EPN1: variants seen among roughly 807,000 people sequenced by gnomAD.
EPN1 encodes the protein epsin 1.
Under a neutral mutation model 56.9 loss-of-function variants are expected in EPN1, and 25 were observed. That is an observed-to-expected ratio of 0.44 (90% CI 0.32 to 0.61). The LOEUF is 0.61. Ranked by LOEUF, EPN1 falls within the 20% of genes least tolerant of loss-of-function variation. EPN1 has a pLI of 0.05. For synonymous variants in EPN1, 411 were observed against 361.8 expected, an observed-to-expected ratio of 1.14 and a Z score of -1.54; for missense variants, 785 against 823.7, an observed-to-expected ratio of 0.95 and a Z score of 0.58.
chr19:55,685,281 C>T, intron 2 of EPN1, 115 bp from the exon 3 acceptor site: 3 of 1,342,066 alleles, frequency 2.2e-6, no homozygotes, highest in Non-Finnish European at 2.0e-6. Flanking sequence ...CCACTGGCGA[C>T]AGGTGGGTTG....
In EPN1 at chr19:55,694,308, C is replaced by A; in HGVS notation, c.1265-418C>A. 5.7e-6 allele frequency: 1 copy of A among 175,564 alleles called. No individual in the cohort carries two copies. Among genetic ancestry groups the A allele is most frequent in the Non-Finnish European group, 1.2e-5 (1 of 84,324 alleles). The allele number at this position is 175,564 out of a possible 1,614,324, so 10.9% of individuals were successfully genotyped here. A position where few individuals can be genotyped will look rare whatever the true frequency, so the allele number is the denominator to read the frequency against. ...GGCCCGGAACACGTGTCTGTGCTGT[C>A]TGTCCACTTGGAAGCTCCCTCTGGG... On this transcript the variant is annotated intron_variant, in intron 9 of 10. Transcript: ENST00000270460. The surrounding 1 kb of genome is among the most constrained non-coding windows in gnomAD (Gnocchi z 4.2).
chr19:55,691,873 C>T lies in EPN1; in HGVS notation c.882C>T (p.Asp294=). The T allele has an allele frequency of 6.2e-7, 1 of 1,602,990 alleles. No individual in the cohort carries two copies. Among genetic ancestry groups the T allele is most frequent in the South Asian group, 1.1e-5 (1 of 90,406 alleles). ...AAVPTAAPTS[D]PWGGPPVPPA... The stretch of plus-strand genomic sequence containing the variant: ...TCCCCACGGCTGCCCCCACCTCGGA[C>T]CCCTGGGGCGGCCCCCCTGTCCCTC... Residue 294 remains aspartate (D), a synonymous_variant, in exon 7 of 11, where the codon GAC becomes GAT. Transcript: ENST00000270460. This position sits in a 1 kb window ranked among gnomAD's most constrained non-coding sequence, Gnocchi z 5.6.
At position 55,703,924 on chromosome 19, in the gene EPN1, A is replaced by C. The variant is rs1987266975; in HGVS notation, c.*8568A>C. Reference sequence around the variant, plus strand: ...GGCGCCGGAGAGCGGACGGAGCCGCAGGCGGGGTTGTGGGAAGACGCTGGG... The same window carrying C: ...GGCGCCGGAGAGCGGACGGAGCCGCCGGCGGGGTTGTGGGAAGACGCTGGG... On this transcript the variant is annotated 3_prime_UTR_variant, in exon 11 of 11. Coordinates refer to ENST00000270460, the MANE Select transcript of EPN1 (RefSeq NM_001130072.2). The C allele has an allele frequency of 6.6e-6, 1 of 152,168 alleles. No individual in the cohort carries two copies. The highest frequency in any genetic ancestry group is 2.1e-4 in the South Asian group (1 of 4,834). 9.4% of individuals were successfully genotyped at this position (152,168 alleles called of 1,614,324 possible). A position where few individuals can be genotyped will look rare whatever the true frequency, so the allele number is the denominator to read the frequency against.
Position 55,708,903 on chromosome 19 carries a change from T to A in EPN1, c.*13547T>A, listed in dbSNP as rs768237279. On this transcript the variant is annotated 3_prime_UTR_variant, in exon 11 of 11. Coordinates refer to ENST00000270460, the MANE Select transcript of EPN1 (RefSeq NM_001130072.2). Reference sequence around the variant, plus strand: ...CCTTTGTGAGACGACTACTTCAGGGTGTTCCCCATCAGAGGAGCACACCCC... The same window carrying A: ...CCTTTGTGAGACGACTACTTCAGGGAGTTCCCCATCAGAGGAGCACACCCC... 6.5e-7 allele frequency: 1 copy of A among 1,529,602 alleles called. No individual in the cohort carries two copies. Among genetic ancestry groups the A allele is most frequent in the Admixed American group, 2.4e-5 (1 of 41,148 alleles). The allele number at this position is 1,529,602 out of a possible 1,614,324, so 94.8% of individuals were successfully genotyped here.
chr19:55,694,433 G>A lies in EPN1; in HGVS notation c.1265-293G>A. On this transcript the variant is annotated intron_variant, in intron 9 of 10. Transcript: ENST00000270460. This position sits in a 1 kb window ranked among gnomAD's most constrained non-coding sequence, Gnocchi z 4.2. ...TTCCCCCGCGGGCCTATAGACCCTGGACGGCCCCACCCTGAAGCAGTTGCT... is the reference window on the plus strand; with the variant it reads ...TTCCCCCGCGGGCCTATAGACCCTGAACGGCCCCACCCTGAAGCAGTTGCT... The A allele has an allele frequency of 2.7e-6, 1 of 369,400 alleles. No individual in the cohort carries two copies. The highest frequency in any genetic ancestry group is 4.8e-6 in the Non-Finnish European group (1 of 207,236). 22.9% of individuals were successfully genotyped at this position (369,400 alleles called of 1,614,324 possible).
At position 55,695,347 on chromosome 19, in the gene EPN1, C is replaced by T. The variant is rs1394251077; in HGVS notation, c.1722C>T (p.Phe574=). The change falls in exon 11 of 11, where the codon TTC becomes TTT. Residue 574 remains phenylalanine, a synonymous_variant. Transcript: ENST00000270460. This position sits in a 1 kb window ranked among gnomAD's most constrained non-coding sequence, Gnocchi z 4.4. ...CCCCGGCCCCCAACACTAATCCCTT[C>T]CTCCTATAATCCAGGGCGGAAGGGG... is the stretch of plus-strand genomic sequence containing the variant. ...PGPPAPNTNP[F]LL The T allele has an allele frequency of 2.0e-5, 30 of 1,487,706 alleles. No homozygotes were observed. The highest frequency in any genetic ancestry group is 3.9e-5 in the Admixed American group (2 of 50,658). 92.2% of individuals were successfully genotyped at this position (1,487,706 alleles called of 1,614,324 possible). A position where few individuals can be genotyped will look rare whatever the true frequency, so the allele number is the denominator to read the frequency against.
intron 2 of EPN1, among the ~76,000 whole-genome samples, chr19:55,684,879 CCT>C (rs1986060739): frequency 6.6e-6 from 1 of 152,232 alleles, no homozygotes. Context: ...GCTGCCATTT[CCT>C]CTTTTATTTG....
intron 1 of EPN1, chr19:55,676,813 C>T (rs1474716825): frequency 5.5e-6 from 1 of 181,546 alleles, no homozygotes; most frequent in East Asian, 1.4e-4. Flanking sequence ...CCTCCTGCCT[C>T]CCTGTCTTCC....
Position 55,696,046 on chromosome 19 carries a change from G to A in EPN1, c.*690G>A, listed in dbSNP as rs1986894820. 6.5e-6 allele frequency: 1 copy of A among 152,766 alleles called. No individual in the cohort carries two copies. The highest frequency in any genetic ancestry group is 6.5e-5 in the Admixed American group (1 of 15,298). 9.5% of individuals were successfully genotyped at this position (152,766 alleles called of 1,614,324 possible). A position where few individuals can be genotyped will look rare whatever the true frequency, so the allele number is the denominator to read the frequency against. The stretch of plus-strand genomic sequence containing the variant: ...GGAGGCCTTGCTCTTGTGTTGAGGG[G>A]ACACCAGGATGAGGTCAGAGAGTGC... On this transcript the variant is annotated 3_prime_UTR_variant, in exon 11 of 11. Transcript: ENST00000270460.
chr19:55,677,422 G>C, intron 1 of EPN1: 1 of 670,452 alleles, frequency 1.5e-6, no homozygotes, highest in Non-Finnish European at 2.6e-6. Flanking sequence ...CTCGTCACCA[G>C]TCTCGGGATG....
intron 2 of EPN1, among the ~76,000 whole-genome samples, chr19:55,684,071 C>T (rs1986006270): frequency 1.3e-5 from 2 of 152,170 alleles, no homozygotes; most frequent in African/African-American, 4.8e-5. Flanking sequence ...ACCTGCTTTC[C>T]TTTCTTTCGT....
rs1295896319 is a variant in EPN1, at chr19:55,709,446, A to G, written c.*14090A>G. On this transcript the variant is annotated 3_prime_UTR_variant, in exon 11 of 11. Transcript: ENST00000270460. ...TAATGAATTCATGTACCCATCACCA[A>G]CTTCTACAATTACCAATATTCAGCC... is the stretch of plus-strand genomic sequence containing the variant. 2 of 152,714 alleles carry G rather than the reference A, an allele frequency of 1.3e-5. No homozygotes were observed. The highest frequency in any genetic ancestry group is 2.1e-4 in the South Asian group (1 of 4,854). The allele number at this position is 152,714 out of a possible 1,614,324, so 9.5% of individuals were successfully genotyped here.
chr19:55,679,500 T>A (rs896960162), intron 2 of EPN1, among the ~76,000 whole-genome samples: 1 of 151,706 alleles, frequency 6.6e-6, no homozygotes, highest in Non-Finnish European at 1.5e-5. Flanking sequence ...GGCTGGTGAG[T>A]GTTAGACTCC....
At position 55,689,446 on chromosome 19, in the gene EPN1, A is replaced by AC. The variant is rs1382294644; in HGVS notation, c.678+81dup. ...CAGCCCCGTCGCCCCTTCCTAAGTC[A>AC]CCCCCCACCATCCTGCTGGGCCCGA... On this transcript the variant is annotated intron_variant, in intron 5 of 10. Transcript: ENST00000270460. This position sits in a 1 kb window ranked among gnomAD's most constrained non-coding sequence, Gnocchi z 5.7. 15 of 1,135,308 alleles carry AC rather than the reference A, an allele frequency of 1.3e-5. No individual in the cohort carries two copies. In the Admixed American group the frequency reaches 2.6e-4, roughly 20 times the overall value. 70.3% of individuals were successfully genotyped at this position (1,135,308 alleles called of 1,614,324 possible). A position where few individuals can be genotyped will look rare whatever the true frequency, so the allele number is the denominator to read the frequency against.
In EPN1 at chr19:55,697,523, C is replaced by G. The variant is rs985418743; in HGVS notation, c.*2167C>G. ...GGGTTAAAGGTGTGAGGCTTTAATT[C>G]TCCCCACCATTTCCTCATTTGGCAA... is the stretch of plus-strand genomic sequence containing the variant. On this transcript the variant is annotated 3_prime_UTR_variant, in exon 11 of 11. Transcript: ENST00000270460. 6.6e-6 allele frequency: 1 copy of G among 152,194 alleles called. No homozygotes were observed. The highest frequency in any genetic ancestry group is 1.5e-5 in the Non-Finnish European group (1 of 68,052). 9.4% of individuals were successfully genotyped at this position (152,194 alleles called of 1,614,324 possible). A position where few individuals can be genotyped will look rare whatever the true frequency, so the allele number is the denominator to read the frequency against.
In EPN1 at chr19:55,689,433, CCCTT is replaced by C; in HGVS notation, c.678+66_678+69del. On this transcript the variant is annotated intron_variant, in intron 5 of 10. Transcript: ENST00000270460. This position sits in a 1 kb window ranked among gnomAD's most constrained non-coding sequence, Gnocchi z 5.7. ...GCTCCCCTCAGACCAGCCCCGTCGC[CCCTT>C]CCTAAGTCACCCCCCACCATCCTGC... 7.4e-7 allele frequency: 1 copy of C among 1,344,508 alleles called. No homozygotes were observed. The highest frequency in any genetic ancestry group is 1.0e-6 in the Non-Finnish European group (1 of 960,962). 83.3% of individuals were successfully genotyped at this position (1,344,508 alleles called of 1,614,324 possible). A position where few individuals can be genotyped will look rare whatever the true frequency, so the allele number is the denominator to read the frequency against.
Position 55,689,468 on chromosome 19 carries a change from C to T in EPN1, c.678+97C>T, listed in dbSNP as rs1986393166. The T allele has an allele frequency of 1.1e-6, 1 of 914,652 alleles. No individual in the cohort carries two copies. Among genetic ancestry groups the T allele is most frequent in the Non-Finnish European group, 1.7e-6 (1 of 577,580 alleles). The allele number at this position is 914,652 out of a possible 1,614,324, so 56.7% of individuals were successfully genotyped here. ...GTCACCCCCCACCATCCTGCTGGGC[C>T]CGAAGCCCACAGGCTCACGCGTGTT... is the stretch of plus-strand genomic sequence containing the variant. On this transcript the variant is annotated intron_variant, in intron 5 of 10. Transcript: ENST00000270460. The surrounding 1 kb of genome is among the most constrained non-coding windows in gnomAD (Gnocchi z 5.7).
chr19:55,709,109 A>G lies in EPN1; in HGVS notation c.*13753A>G. The G allele has an allele frequency of 8.6e-7, 1 of 1,159,790 alleles. No individual in the cohort carries two copies. 71.8% of individuals were successfully genotyped at this position (1,159,790 alleles called of 1,614,324 possible). On this transcript the variant is annotated 3_prime_UTR_variant, in exon 11 of 11. Transcript: ENST00000270460. Reference sequence around the variant, plus strand: ...TTTTTACACAGTATTGCCTCTCTACATTCTGATGTCTACCTCTCCTCTCCT... The same window carrying G: ...TTTTTACACAGTATTGCCTCTCTACGTTCTGATGTCTACCTCTCCTCTCCT...
chr19:55,695,283 G>T lies in EPN1; in HGVS notation c.1658G>T (p.Gly553Val). ...GAPPTYISPL[G>V]GGPGLPPMMP... is the part of the protein sequence containing the mutation. ...CCACCCACGTACATCTCTCCCCTTGGCGGGGGCCCTGGCCTGCCCCCCATG... is the reference window on the plus strand; with the variant it reads ...CCACCCACGTACATCTCTCCCCTTGTCGGGGGCCCTGGCCTGCCCCCCATG... The change falls in exon 11 of 11, where the codon GGC becomes GTC. Residue 553 changes from glycine to valine, a missense_variant. This residue lies in a region of EPN1 where 650 missense variants were observed against 605.0 expected (regional missense o/e 1.07). Transcript: ENST00000270460. This position sits in a 1 kb window ranked among gnomAD's most constrained non-coding sequence, Gnocchi z 4.4. 4 of 1,594,026 alleles carry T rather than the reference G, an allele frequency of 2.5e-6. No homozygotes were observed. Among genetic ancestry groups the T allele is most frequent in the Non-Finnish European group, 2.6e-6 (3 of 1,172,532 alleles).
Sources: allele counts gnomAD v4.1 joint callset (sites outside exome capture counted in the v4.1 genomes callset), GRCh38; gene constraint gnomAD v4.1.1; regional missense constraint gnomAD v4.1.1; non-coding constraint Gnocchi (gnomAD v3.1); transcripts MANE v1.5; gene names NCBI Gene and HGNC (gene_info 2026-07-23, HGNC 2026-07-21).